The following DOCK7 variants were observed in gnomAD, a reference collection of about 807,000 sequenced individuals.
The protein encoded by DOCK7 is dedicator of cytokinesis 7.
In DOCK7, 138 loss-of-function variants were observed where a neutral mutation model predicts 271.0. That is an observed-to-expected ratio of 0.51 (90% CI 0.44 to 0.59). The LOEUF (loss-of-function observed/expected upper bound fraction) is 0.59, where lower values mean the gene tolerates loss of function less well. Among genes scored for constraint, DOCK7 ranks in the 20% least tolerant of loss-of-function variants. The probability of loss-of-function intolerance (pLI) is 0.00; values close to 1 mark genes in which losing one functional copy is unlikely to be tolerated. For synonymous variants in DOCK7, 823 were observed against 876.1 expected, an observed-to-expected ratio of 0.94 and a Z score of 1.07; for missense variants, 2,066 against 2,592.4, an observed-to-expected ratio of 0.80 and a Z score of 4.41.
intron 14 of DOCK7, among the ~76,000 whole-genome samples, chr1:62,586,893 G>A (rs1647614570): frequency 6.6e-6 from 1 of 152,040 alleles, no homozygotes; most frequent in African/African-American, 2.4e-5. Flanking sequence ...TGACAAAGCT[G>A]AAATCAGAGT....
chr1:62,639,575 C>CA (rs1655738621), intron 7 of DOCK7, among the ~76,000 whole-genome samples: 1 of 151,576 alleles, frequency 6.6e-6, no homozygotes, highest in Non-Finnish European at 1.5e-5. Flanking sequence ...GCTGGGATTA[C>CA]AGGCGCATGC....
At chr1:62,506,292 C>G (rs922473932) in intron 35 of DOCK7, among the ~76,000 whole-genome samples, 3 of 152,114 alleles carry the variant, frequency 2.0e-5, no homozygotes, top group Non-Finnish European at 4.4e-5. Context: ...AGAGAAGTTA[C>G]ATCTTCTGAG....
chr1:62,598,067 T>C lies in DOCK7; in HGVS notation c.1683-11443A>G, dbSNP rs372257803. On this transcript the variant is annotated intron_variant, in intron 14 of 49. Coordinates refer to ENST00000635253, the MANE Select transcript of DOCK7 (RefSeq NM_001367561.1). ...CAGAAGTAACTTCACTTAAAGTAAG[T>C]AGAAAATAAAGAGGGTTCATGTTTA... is the stretch of plus-strand genomic sequence containing the variant. The C allele has an allele frequency of 6.8e-4, 1,077 of 1,577,036 alleles. 1 individual carries two copies. Among genetic ancestry groups the C allele is most frequent in the Non-Finnish European group, 8.5e-4 (992 of 1,168,002 alleles).
rs777255776 is a variant in DOCK7 at position 62,513,491 on chromosome 1, C to T, written c.4235G>A (p.Arg1412Gln). 11 of 1,613,776 alleles carry T rather than the reference C, an allele frequency of 6.8e-6. No individual in the cohort carries two copies. Among genetic ancestry groups the T allele is most frequent in the African/African-American group, 1.3e-5 (1 of 74,920 alleles). ...GSIGARQEMV[R>Q]RSRGQLGTYT... ...CGTACCGAGCTGTCCTCGGCTTCGC[C>T]GTACCATTTCTTGCCTGGCACCTAT... Residue 1412 changes from arginine (R) to glutamine (Q), a missense_variant, in exon 33 of 50, where the codon CGG becomes CAG. Transcript: ENST00000635253.
intron 28 of DOCK7, among the ~76,000 whole-genome samples, chr1:62,537,391 G>C (rs1321966012): frequency 6.6e-6 from 1 of 151,862 alleles, no homozygotes; most frequent in Non-Finnish European, 1.5e-5. Flanking sequence ...AGACCATCCT[G>C]GACAACCAAC....
intron 8 of DOCK7, among the ~76,000 whole-genome samples, chr1:62,636,065 A>T (rs1013924308): frequency 6.6e-6 from 1 of 152,234 alleles, no homozygotes; most frequent in African/African-American, 2.4e-5. Flanking sequence ...ATCCTGGCTA[A>T]CACGGTGAAA....
chr1:62,560,066 G>A (rs1483895661), intron 19 of DOCK7, among the ~76,000 whole-genome samples: 1 of 152,070 alleles, frequency 6.6e-6, no homozygotes, highest in Non-Finnish European at 1.5e-5. Flanking sequence ...AGGATTTTTG[G>A]AAGCTTATTT....
intron 43 of DOCK7, 83 bp from the exon 44 acceptor site, chr1:62,477,908 C>T: frequency 7.1e-7 from 1 of 1,401,050 alleles, no homozygotes; most frequent in Non-Finnish European, 9.4e-7. Context: ...ATTGTTACAG[C>T]ATAAAATTTC....
At chr1:62,684,267 G>C (rs974406512) in intron 1 of DOCK7, among the ~76,000 whole-genome samples, 6 of 151,596 alleles carry the variant, frequency 4.0e-5, no homozygotes, top group Admixed American at 1.3e-4. Flanking sequence ...CCCAATTTAG[G>C]CAAATACAGT....
chr1:62,645,656 G>C (rs558361072), intron 7 of DOCK7, among the ~76,000 whole-genome samples: 1 of 152,294 alleles, frequency 6.6e-6, no homozygotes, highest in Non-Finnish European at 1.5e-5. Flanking sequence ...TGAATTGTAT[G>C]CTTGGTGAAC....
chr1:62,631,832 C>A (rs781245370), intron 10 of DOCK7, among the ~76,000 whole-genome samples: 1 of 152,148 alleles, frequency 6.6e-6, no homozygotes, highest in African/African-American at 2.4e-5. Context: ...TAACATATAA[C>A]AACCATGAGT....
intron 15 of DOCK7, 92 bp downstream of exon 15, chr1:62,586,415 A>C: frequency 1.2e-6 from 1 of 841,638 alleles, no homozygotes; most frequent in Non-Finnish European, 1.8e-6. Context: ...GATCACATTA[A>C]TTTCCAGGTT....
intron 38 of DOCK7, 185 bp from the exon 39 acceptor site, chr1:62,495,866 A>G: frequency 2.1e-6 from 1 of 474,486 alleles, no homozygotes; most frequent in East Asian, 3.7e-5. Context: ...AACTTTATAT[A>G]AATTCCTCAG....
At chr1:62,550,150 G>C (rs891483152) in intron 22 of DOCK7, among the ~76,000 whole-genome samples, 2 of 152,154 alleles carry the variant, frequency 1.3e-5, no homozygotes, top group Admixed American at 6.5e-5. Flanking sequence ...GCCTATATGT[G>C]AATGGGAATG....
intron 14 of DOCK7, chr1:62,604,377 T>G: frequency 1.9e-6 from 2 of 1,055,438 alleles, no homozygotes; most frequent in Non-Finnish European, 2.7e-6. Context: ...CTCTTAACTA[T>G]AATGAAAGTG....
intron 1 of DOCK7, among the ~76,000 whole-genome samples, chr1:62,675,932 C>T (rs1660506508): frequency 6.6e-6 from 1 of 152,210 alleles, no homozygotes; most frequent in Admixed American, 6.5e-5. Context: ...AACCCTCATA[C>T]ATCGCTAATA....
intron 1 of DOCK7, among the ~76,000 whole-genome samples, chr1:62,683,330 T>C (rs887183997): frequency 6.6e-6 from 1 of 152,182 alleles, no homozygotes; most frequent in Non-Finnish European, 1.5e-5. Flanking sequence ...GAACTATGAA[T>C]TGAACAAAGT....
intron 1 of DOCK7, among the ~76,000 whole-genome samples, chr1:62,670,938 T>C (rs547811663): frequency 6.6e-6 from 1 of 152,234 alleles, no homozygotes; most frequent in South Asian, 2.1e-4. Context: ...CCACGCTGCT[T>C]TTATGAGCTG....
At chr1:62,512,707 T>G (rs890699239) in intron 33 of DOCK7, among the ~76,000 whole-genome samples, 3 of 151,146 alleles carry the variant, frequency 2.0e-5, no homozygotes, top group Admixed American at 6.6e-5. Flanking sequence ...AAGACTAGCC[T>G]GGGCAATACA....
Sources: gnomAD v4.1 joint callset for allele counts (sites outside exome capture counted in the v4.1 genomes callset) on GRCh38, gnomAD v4.1.1 for gene constraint, MANE v1.5 for transcripts, NCBI Gene and HGNC (gene_info 2026-07-23, HGNC 2026-07-21) for gene names.